ERCC6: variants seen among roughly 807,000 people sequenced by gnomAD.
The protein encoded by ERCC6 is DNA excision repair protein ERCC-6.
A neutral mutation model predicts 158.7 loss-of-function variants in ERCC6; 116 were observed. That is an observed-to-expected ratio of 0.73 (90% CI 0.63 to 0.85). ERCC6 has a LOEUF of 0.85. Among genes scored for constraint, ERCC6 ranks in the 40% least tolerant of loss-of-function variants. ERCC6 has a pLI of 0.00. For missense variants in ERCC6, 1,698 were observed against 1,799.4 expected, an observed-to-expected ratio of 0.94 and a Z score of 1.02; for synonymous variants, 678 against 659.3, an observed-to-expected ratio of 1.03 and a Z score of -0.43.
the ERCC6 span, among the ~76,000 whole-genome samples, chr10:49,443,714 T>C: frequency 1.3e-5 from 2 of 152,224 alleles, no homozygotes; most frequent in Admixed American, 1.3e-4. Context: ...TTTCTGTGTT[T>C]AGATATGTTC....
Position 49,474,126 on chromosome 10 carries a change from C to A in ERCC6, c.2499G>T (p.Gly833=), listed in dbSNP as rs768992020. 6.2e-7 allele frequency: 1 copy of A among 1,614,124 alleles called. No individual in the cohort carries two copies. Among genetic ancestry groups the A allele is most frequent in the South Asian group, 1.1e-5 (1 of 91,084 alleles). The change falls in exon 13 of 21, where the codon GGG becomes GGT. Residue 833 remains glycine, a synonymous_variant. Transcript: ENST00000355832. ...TCATTTTCCCAGAACGTTTCCAGTA[C>A]CCAAACTGATCTTCTTCTAGTTCAT... is the stretch of plus-strand genomic sequence containing the variant. The part of the protein sequence containing the change: ...PDDELEEDQF[G]YWKRSGKMIV...
At chr10:49,538,657 G>C (rs969535053) in intron 1 of ERCC6, among the ~76,000 whole-genome samples, 10 of 152,204 alleles carry the variant, frequency 6.6e-5, no homozygotes, top group Non-Finnish European at 1.5e-4. Flanking sequence ...TTTTAATCGA[G>C]ATCAAAAAGG....
chr10:49,491,617 T>G (rs567051758), intron 8 of ERCC6, among the ~76,000 whole-genome samples: 18 of 152,234 alleles, frequency 1.2e-4, no homozygotes, highest in Non-Finnish European at 2.4e-4. Flanking sequence ...CTGTCAATTC[T>G]ATTTCCATAA....
At chr10:49,516,728 T>C (rs140738800) in intron 5 of ERCC6, 3 of 1,614,026 alleles carry the variant, frequency 1.9e-6, no homozygotes, top group Non-Finnish European at 2.5e-6. Flanking sequence ...TTGGTGGTGC[T>C]GTAACTCTAC....
chr10:49,525,689 A>C (rs1022527499), intron 4 of ERCC6, among the ~76,000 whole-genome samples: 2 of 152,194 alleles, frequency 1.3e-5, no homozygotes, highest in African/African-American at 2.4e-5. Flanking sequence ...CATACATCTG[A>C]AAGTGCACAA....
chr10:49,538,515 G>T (rs1161134949), intron 1 of ERCC6, among the ~76,000 whole-genome samples: 1 of 152,186 alleles, frequency 6.6e-6, no homozygotes, highest in Non-Finnish European at 1.5e-5. Context: ...ACGCTGCGTG[G>T]AAGTCACGTA....
chr10:49,491,101 T>C (rs1019897888), intron 8 of ERCC6, among the ~76,000 whole-genome samples: 2 of 152,220 alleles, frequency 1.3e-5, no homozygotes, highest in Non-Finnish European at 2.9e-5. Flanking sequence ...CCTTCAGTAG[T>C]TGAATCCAGA....
intron 8 of ERCC6, among the ~76,000 whole-genome samples, chr10:49,491,633 C>A (rs1004222839): frequency 1.3e-5 from 2 of 152,142 alleles, no homozygotes; most frequent in African/African-American, 4.8e-5. Context: ...CATAATGAGT[C>A]CATGTATGTG....
intron 5 of ERCC6, among the ~76,000 whole-genome samples, chr10:49,512,012 A>G (rs1057020240): frequency 1.3e-5 from 2 of 152,252 alleles, no homozygotes; most frequent in African/African-American, 4.8e-5. Flanking sequence ...TTGAAACTAC[A>G]TAAATTTCAG....
chr10:49,505,705 A>T lies in ERCC6; in HGVS notation c.1526+179T>A. 5 of 671,308 alleles carry T rather than the reference A, an allele frequency of 7.4e-6. No homozygotes were observed. The South Asian group carries it at 9.8e-5, about 13-fold the overall frequency. The allele number at this position is 671,308 out of a possible 1,614,324, so 41.6% of individuals were successfully genotyped here. ...CAATGCACATTTTAGTCAACTTATTATCATCCAATTTTAATGAACAGCACG... is the reference window on the plus strand; with the variant it reads ...CAATGCACATTTTAGTCAACTTATTTTCATCCAATTTTAATGAACAGCACG... On this transcript the variant is annotated intron_variant, in intron 6 of 20. Transcript: ENST00000355832.
At chr10:49,450,438 G>C (rs996861105), downstream of ERCC6, among the ~76,000 whole-genome samples, 1 of 152,196 alleles carries the variant, frequency 6.6e-6, no homozygotes, top group East Asian at 1.9e-4. Flanking sequence ...AGAAATGTGG[G>C]TTTTTCTACT....
intron 5 of ERCC6, among the ~76,000 whole-genome samples, chr10:49,510,253 C>A (rs961241724): frequency 6.6e-6 from 1 of 152,052 alleles, no homozygotes; most frequent in African/African-American, 2.4e-5. Flanking sequence ...CTAGTTGCTG[C>A]CATTTAAAGT....
At chr10:49,508,469 A>T (rs1167927705) in intron 5 of ERCC6, among the ~76,000 whole-genome samples, 2 of 152,150 alleles carry the variant, frequency 1.3e-5, no homozygotes, top group Non-Finnish European at 2.9e-5. Flanking sequence ...CACATAAGCC[A>T]CTACAGAAAC....
rs41281955 is a variant in ERCC6, at chr10:49,516,362, G to A, written c.1397+7671C>T. The A allele has an allele frequency of 6.4e-3, 10,366 of 1,614,072 alleles. 67 individuals carry two copies. Among genetic ancestry groups the A allele is most frequent in the Middle Eastern group, 7.6e-3 (46 of 6,062 alleles). The stretch of plus-strand genomic sequence containing the variant: ...ATTTCATGCATCTCTCATTAAGTTT[G>A]CTTATGAGAGGTCGCAATTTGGAAA... On this transcript the variant is annotated intron_variant, in intron 5 of 20. Transcript: ENST00000355832.
the ERCC6 span, among the ~76,000 whole-genome samples, chr10:49,436,330 AGATT>A: frequency 6.6e-6 from 1 of 152,182 alleles, no homozygotes; most frequent in African/African-American, 2.4e-5. Flanking sequence ...ATAAAATAAA[AGATT>A]GATAAATTTG....
chr10:49,538,173 G>A (rs926047559), intron 1 of ERCC6, among the ~76,000 whole-genome samples: 2 of 152,200 alleles, frequency 1.3e-5, no homozygotes, highest in Admixed American at 1.3e-4. Flanking sequence ...TATCTTCACC[G>A]TCCTCCCCCA....
chr10:49,470,067 A>T, intron 18 of ERCC6, 115 bp downstream of exon 18: 3 of 924,728 alleles, frequency 3.2e-6, no homozygotes, highest in Non-Finnish European at 5.3e-6. Flanking sequence ...TTGAAGAAAA[A>T]CACTAATGGC....
chr10:49,460,589 G>T, intron 19 of ERCC6, 138 bp from the exon 20 acceptor site: 1 of 708,710 alleles, frequency 1.4e-6, no homozygotes. Context: ...TGCCATTTCT[G>T]CTCTATCCCC....
At chr10:49,502,317 G>T (rs1438650529) in intron 6 of ERCC6, 1 of 152,140 alleles carries the variant, frequency 6.6e-6, no homozygotes, top group Non-Finnish European at 1.5e-5. Context: ...ACACACACTG[G>T]ATATGCACCT....
Sources: allele counts gnomAD v4.1 joint callset (sites outside exome capture counted in the v4.1 genomes callset), GRCh38; gene constraint gnomAD v4.1.1; transcripts MANE v1.5; gene names NCBI Gene and HGNC (gene_info 2026-07-23, HGNC 2026-07-21).